Variants in CXCR5 observed in about 807,000 individuals in gnomAD.
CXCR5 encodes the protein C-X-C chemokine receptor type 5.
Under a neutral mutation model 5.6 loss-of-function variants are expected in CXCR5, and 3 were observed. That is an observed-to-expected ratio of 0.54 (90% CI 0.24 to 1.39). The LOEUF (loss-of-function observed/expected upper bound fraction) is 1.39, where lower values mean the gene tolerates loss of function less well. CXCR5 is among the 40% of genes most tolerant of loss of function. The probability of loss-of-function intolerance (pLI) is 0.16; values close to 1 mark genes in which losing one functional copy is unlikely to be tolerated. For missense variants in CXCR5, 333 were observed against 494.6 expected, an observed-to-expected ratio of 0.67 and a Z score of 3.10; for synonymous variants, 218 against 219.9, an observed-to-expected ratio of 0.99 and a Z score of 0.08.
intron 1 of CXCR5, among the ~76,000 whole-genome samples, chr11:118,888,978 G>A (rs1292262880): frequency 1.3e-5 from 2 of 152,184 alleles, no homozygotes; most frequent in African/African-American, 2.4e-5. Flanking sequence ...ATTATTTGGA[G>A]AAGTCAGGTG....
At chr11:118,886,345 CA>C in intron 1 of CXCR5, 1 of 353,792 alleles carries the variant, frequency 2.8e-6, no homozygotes, top group Non-Finnish European at 5.4e-6. Flanking sequence ...ACAAACTTGC[CA>C]GAAAAAAAAA....
In CXCR5 at chr11:118,897,763, T is replaced by C; in HGVS notation, c.*3100T>C. The stretch of plus-strand genomic sequence containing the variant: ...GGGAAGGGTTTCTTTTATCCTTTTT[T>C]TTTTGTGTGACTTCTATCAAAACAC... On this transcript the variant is annotated 3_prime_UTR_variant, in exon 2 of 2. Transcript: ENST00000292174. 1 of 453,650 alleles carries C rather than the reference T, an allele frequency of 2.2e-6. No homozygotes were observed. Among genetic ancestry groups the C allele is most frequent in the Middle Eastern group, 3.3e-4 (1 of 3,062 alleles). 28.1% of individuals were successfully genotyped at this position (453,650 alleles called of 1,614,324 possible). A position where few individuals can be genotyped will look rare whatever the true frequency, so the allele number is the denominator to read the frequency against.
chr11:118,891,542 A>G (rs1939810814), intron 1 of CXCR5, among the ~76,000 whole-genome samples: 1 of 152,042 alleles, frequency 6.6e-6, no homozygotes, highest in African/African-American at 2.4e-5. Flanking sequence ...GATCACAAAT[A>G]TGACTTTTTC....
rs769567385 is a variant in CXCR5, at chr11:118,894,219, G to A, written c.675G>A (p.Ala225=). The A allele has an allele frequency of 2.0e-5, 33 of 1,613,968 alleles. No individual in the cohort carries two copies. Among genetic ancestry groups the A allele is most frequent in the Middle Eastern group, 1.6e-4 (1 of 6,084 alleles). Residue 225 remains alanine (A), a synonymous_variant, in exon 2 of 2, where the codon GCG becomes GCA. Transcript: ENST00000292174. This position sits in a 1 kb window ranked among gnomAD's most constrained non-coding sequence, Gnocchi z 6.1. ...WFTSRFLYHV[A]GFLLPMLVMG... ...CCTCCCGATTCCTCTACCATGTGGC[G>A]GGATTCCTGCTGCCCATGCTGGTGA...
At position 118,893,401 on chromosome 11, in the gene CXCR5, G is replaced by C. The variant is rs757016023; in HGVS notation, c.52-195G>C. The C allele has an allele frequency of 1.4e-5, 14 of 985,280 alleles. No homozygotes were observed. The highest frequency in any genetic ancestry group is 3.5e-5 in the African/African-American group (2 of 57,212). 61.0% of individuals were successfully genotyped at this position (985,280 alleles called of 1,614,324 possible). A position where few individuals can be genotyped will look rare whatever the true frequency, so the allele number is the denominator to read the frequency against. On this transcript the variant is annotated intron_variant, in intron 1 of 1. Coordinates refer to ENST00000292174, the MANE Select transcript of CXCR5 (RefSeq NM_001716.5). This position sits in a 1 kb window ranked among gnomAD's most constrained non-coding sequence, Gnocchi z 5.7. ...CCCTTCATCAGCACCACCACTCTAA[G>C]GAATGCGGTCCCTTTGACAGGCGAA...
At chr11:118,886,319 G>A (rs1939708550) in intron 1 of CXCR5, 1 of 443,878 alleles carries the variant, frequency 2.3e-6, no homozygotes, top group Non-Finnish European at 4.5e-6. Context: ...GCTAAGAACT[G>A]GGGCCTTTTG....
intron 1 of CXCR5, chr11:118,886,008 AC>A (rs1346216018): frequency 3.9e-5 from 10 of 259,226 alleles, no homozygotes; most frequent in Non-Finnish European, 7.5e-5. Context: ...CAGAACACAG[AC>A]CCTCTCCTCC....
rs187457456 is a variant in CXCR5, at chr11:118,893,122, G to C, written c.52-474G>C. On this transcript the variant is annotated intron_variant, in intron 1 of 1. Coordinates refer to ENST00000292174, the MANE Select transcript of CXCR5 (RefSeq NM_001716.5). The surrounding 1 kb of genome is among the most constrained non-coding windows in gnomAD (Gnocchi z 5.7). ...AGTCAGGAACAGGAAGACCCATGAG[G>C]AGGGAGCCCACAGGCCAAGTCAGCA... Among the ~76,000 whole-genome samples, 41 of 152,278 alleles carry C rather than the reference G, an allele frequency of 2.7e-4. No homozygotes were observed. The East Asian group carries it at 6.9e-3, about 26-fold the overall frequency.
chr11:118,889,017 G>A (rs1221837358), intron 1 of CXCR5, among the ~76,000 whole-genome samples: 1 of 152,176 alleles, frequency 6.6e-6, no homozygotes, highest in African/African-American at 2.4e-5. Context: ...ATCCAGGGAG[G>A]AGCCTGCATC....
At chr11:118,888,180 C>T (rs1329640787) in intron 1 of CXCR5, among the ~76,000 whole-genome samples, 1 of 152,194 alleles carries the variant, frequency 6.6e-6, no homozygotes, top group African/African-American at 2.4e-5. Context: ...GCAGGAATCT[C>T]TTCCCACACA....
chr11:118,891,978 C>T (rs1939817669), intron 1 of CXCR5, among the ~76,000 whole-genome samples: 1 of 150,826 alleles, frequency 6.6e-6, no homozygotes, highest in Non-Finnish European at 1.5e-5. Context: ...GGACTTTAAA[C>T]AGAACATTGA....
chr11:118,892,764 C>T (rs1263487639), intron 1 of CXCR5, among the ~76,000 whole-genome samples: 2 of 152,080 alleles, frequency 1.3e-5, no homozygotes, highest in African/African-American at 4.8e-5. Flanking sequence ...CAGGCTCTCT[C>T]CTTCTCTCCT....
intron 1 of CXCR5, among the ~76,000 whole-genome samples, chr11:118,884,739 A>C (rs1462765282): frequency 1.3e-5 from 2 of 152,196 alleles, no homozygotes; most frequent in Non-Finnish European, 2.9e-5. Flanking sequence ...AATGGTCTCC[A>C]GCACTACGCT....
chr11:118,890,225 G>A (rs1939786886), intron 1 of CXCR5, among the ~76,000 whole-genome samples: 1 of 152,164 alleles, frequency 6.6e-6, no homozygotes, highest in African/African-American at 2.4e-5. Context: ...CCCTGCAGAG[G>A]CACTTGTCTA....
chr11:118,889,688 C>T (rs1182548108), intron 1 of CXCR5, among the ~76,000 whole-genome samples: 2 of 152,112 alleles, frequency 1.3e-5, no homozygotes, highest in Admixed American at 1.3e-4. Context: ...CTGTCAATTC[C>T]CAGCACCCCT....
At chr11:118,892,423 AC>A (rs1159299224) in intron 1 of CXCR5, among the ~76,000 whole-genome samples, 2 of 151,432 alleles carry the variant, frequency 1.3e-5, no homozygotes, top group Non-Finnish European at 2.9e-5. Flanking sequence ...TGGACAGAGT[AC>A]CCCATCCCAT....
Position 118,893,805 on chromosome 11 carries a change from G to A in CXCR5, c.261G>A (p.Glu87=), listed in dbSNP as rs200335551. 1 of 1,614,096 alleles carries A rather than the reference G, an allele frequency of 6.2e-7. No homozygotes were observed. ...ERHRQTRSST[E]TFLFHLAVAD... is the part of the protein sequence containing the mutation. ...ACCGGCAGACACGCAGTTCCACGGA[G>A]ACCTTCCTGTTCCACCTGGCCGTGG... Residue 87 remains glutamate, a synonymous_variant, in exon 2 of 2, where the codon GAG becomes GAA. Transcript: ENST00000292174. The surrounding 1 kb of genome is among the most constrained non-coding windows in gnomAD (Gnocchi z 5.7).
At chr11:118,889,493 C>T (rs1364953915) in intron 1 of CXCR5, among the ~76,000 whole-genome samples, 1 of 152,230 alleles carries the variant, frequency 6.6e-6, no homozygotes, top group East Asian at 1.9e-4. Context: ...GCACATGCCC[C>T]ATGGTATTCA....
Position 118,883,900 on chromosome 11 carries a change from A to G in CXCR5, c.-42A>G, listed in dbSNP as rs377301510. On this transcript the variant is annotated 5_prime_UTR_variant, in exon 1 of 2. Transcript: ENST00000292174. ...GGCACCTGGCGGGGAGCCTCTCAAC[A>G]TAAGACAGTGACCAGTCTGGTGACT... The G allele has an allele frequency of 3.1e-6, 5 of 1,600,128 alleles. No homozygotes were observed. The African/African-American group carries it at 4.0e-5, about 13-fold the overall frequency.
Sources: allele counts gnomAD v4.1 joint callset (sites outside exome capture counted in the v4.1 genomes callset), GRCh38; gene constraint gnomAD v4.1.1; non-coding constraint Gnocchi (gnomAD v3.1); transcripts MANE v1.5; gene names NCBI Gene and HGNC (gene_info 2026-07-23, HGNC 2026-07-21).